The following SSTR3 variants were observed in gnomAD, a reference collection of about 807,000 sequenced individuals.
SSTR3 encodes somatostatin receptor type 3.
For synonymous variants in SSTR3, 281 were observed against 269.2 expected, an observed-to-expected ratio of 1.04 and a Z score of -0.43; for missense variants, 504 against 604.7, an observed-to-expected ratio of 0.83 and a Z score of 1.75.
chr22:37,218,494 G>A, the SSTR3 span, among the ~76,000 whole-genome samples: 3 of 152,304 alleles, frequency 2.0e-5, 1 homozygote, highest in East Asian at 5.8e-4. Context: ...GGTGGAGGTT[G>A]TCATCCCAGT....
At position 37,210,991 on chromosome 22, in the gene SSTR3, A is replaced by G. The variant is rs183931927; in HGVS notation, c.-37+834T>C. 33 of 985,320 alleles carry G rather than the reference A, an allele frequency of 3.3e-5. No individual in the cohort carries two copies. The African/African-American group carries it at 4.9e-4, about 15-fold the overall frequency. The allele number at this position is 985,320 out of a possible 1,614,324, so 61.0% of individuals were successfully genotyped here. On this transcript the variant is annotated intron_variant, in intron 1 of 1. Transcript: ENST00000610913. ...CATCATGAGATCCTCAAGAAGCCCA[A>G]GAGGGAGAGTTTTTAGAGAGGAAGA... is the stretch of plus-strand genomic sequence containing the variant.
In SSTR3 at chr22:37,204,633, G is replaced by C. The variant is rs1440810378; in HGVS notation, c.*1914C>G. 6.6e-6 allele frequency: 1 copy of C among 152,348 alleles called. No individual in the cohort carries two copies. Among genetic ancestry groups the C allele is most frequent in the Non-Finnish European group, 1.5e-5 (1 of 68,134 alleles). 9.4% of individuals were successfully genotyped at this position (152,348 alleles called of 1,614,324 possible). A position where few individuals can be genotyped will look rare whatever the true frequency, so the allele number is the denominator to read the frequency against. On this transcript the variant is annotated 3_prime_UTR_variant, in exon 2 of 2. Transcript: ENST00000610913. ...AGACACAGAGAGGCCACTTGATGGA[G>C]AGGGGGGTATAGGCCAAGCCTGGGG...
rs763363171 is a variant in SSTR3 at position 37,207,355 on chromosome 22, C to A, written c.449G>T (p.Arg150Leu). The A allele has an allele frequency of 1.9e-6, 3 of 1,607,830 alleles. No individual in the cohort carries two copies. The highest frequency in any genetic ancestry group is 1.7e-6 in the Non-Finnish European group (2 of 1,176,692). Residue 150 changes from arginine to leucine, a missense_variant, in exon 2 of 2, where the codon CGC becomes CTC. Arg to Leu is a moderately radical substitution (Grantham distance 102). Coordinates refer to ENST00000610913, the MANE Select transcript of SSTR3 (RefSeq NM_001051.5). ...CGGAGCTGTGCGCCAGCGGGCCGAG[C>A]GGGTGGGATGTACCACGGCCAGGTA... Reference protein sequence around the residue: ...DRYLAVVHPTRSARWRTAPVA... With the variant: ...DRYLAVVHPTLSARWRTAPVA...
chr22:37,214,883 G>A (rs1444133027), upstream of SSTR3, among the ~76,000 whole-genome samples: 1 of 152,024 alleles, frequency 6.6e-6, no homozygotes. Flanking sequence ...AAGCACCAGG[G>A]CCTCCATCTG....
At chr22:37,210,430 C>G in intron 1 of SSTR3, 1 of 821,720 alleles carries the variant, frequency 1.2e-6, no homozygotes, top group Non-Finnish European at 1.5e-6. Flanking sequence ...CCCCTGGCCC[C>G]CTCCTGGAAA....
intron 1 of SSTR3, among the ~76,000 whole-genome samples, chr22:37,209,540 G>C (rs956406018): frequency 6.6e-6 from 1 of 152,240 alleles, no homozygotes; most frequent in African/African-American, 2.4e-5. Context: ...TGGACAGTGG[G>C]CTAGAGGATC....
At chr22:37,217,081 G>A (rs562729268), upstream of SSTR3, among the ~76,000 whole-genome samples, 5 of 152,128 alleles carry the variant, frequency 3.3e-5, no homozygotes, top group Non-Finnish European at 5.9e-5. Flanking sequence ...GATTACAGGC[G>A]TGAGCCACCG....
At chr22:37,210,872 T>C in intron 1 of SSTR3, 1 of 985,368 alleles carries the variant, frequency 1.0e-6, no homozygotes, top group Non-Finnish European at 1.2e-6. Context: ...ACCTAGGACA[T>C]CACCCAGAAC....
the SSTR3 span, among the ~76,000 whole-genome samples, chr22:37,218,269 C>T: frequency 6.6e-6 from 1 of 152,152 alleles, no homozygotes; most frequent in Admixed American, 6.5e-5. Context: ...CAGAATGAGG[C>T]ATTAAGCCCG....
At position 37,206,292 on chromosome 22, in the gene SSTR3, G is replaced by A; in HGVS notation, c.*255C>T. On this transcript the variant is annotated 3_prime_UTR_variant, in exon 2 of 2. Coordinates refer to ENST00000610913, the MANE Select transcript of SSTR3 (RefSeq NM_001051.5). ...GCTCAGCCAGGTCAGCCCAGCAACA[G>A]TGCCCTCCAAACCTCTCATCTGACA... The A allele has an allele frequency of 2.0e-6, 1 of 504,082 alleles. No individual in the cohort carries two copies. The highest frequency in any genetic ancestry group is 3.4e-6 in the Non-Finnish European group (1 of 297,742). 31.2% of individuals were successfully genotyped at this position (504,082 alleles called of 1,614,324 possible).
rs900620293 is a variant in SSTR3 at position 37,212,031 on chromosome 22, G to C, written c.-243C>G. ...ACAGAGCCTCTCCCATCTGGTCTCC[G>C]GCCCTGACTTCCCAACCAGAGCCTG... On this transcript the variant is annotated 5_prime_UTR_variant, in exon 1 of 2. Coordinates refer to ENST00000610913, the MANE Select transcript of SSTR3 (RefSeq NM_001051.5). 2.0e-6 allele frequency: 2 copies of C among 985,592 alleles called. No individual in the cohort carries two copies. Among genetic ancestry groups the C allele is most frequent in the African/African-American group, 3.5e-5 (2 of 57,194 alleles). The allele number at this position is 985,592 out of a possible 1,614,324, so 61.1% of individuals were successfully genotyped here.
upstream of SSTR3, among the ~76,000 whole-genome samples, chr22:37,217,234 T>C (rs1926486150): frequency 6.6e-6 from 1 of 152,012 alleles, no homozygotes; most frequent in Non-Finnish European, 1.5e-5. Flanking sequence ...AGAATGACTC[T>C]GACTCAGCTG....
chr22:37,218,200 G>A, the SSTR3 span, among the ~76,000 whole-genome samples: 1 of 151,952 alleles, frequency 6.6e-6, no homozygotes. Flanking sequence ...TATCATTTGG[G>A]GCAATGCTAT....
rs1402803743 is a variant in SSTR3, at chr22:37,212,233, G to C, written c.-445C>G. 2 of 749,290 alleles carry C rather than the reference G, an allele frequency of 2.7e-6. No individual in the cohort carries two copies. The highest frequency in any genetic ancestry group is 3.8e-5 in the African/African-American group (2 of 52,370). 46.4% of individuals were successfully genotyped at this position (749,290 alleles called of 1,614,324 possible). On this transcript the variant is annotated 5_prime_UTR_variant, in exon 1 of 2. Coordinates refer to ENST00000610913, the MANE Select transcript of SSTR3 (RefSeq NM_001051.5). ...AAAGAGAGAGAGAGAGAAAGAGGGA[G>C]GGGGAGAGAGAGAGAGGGAGAGGGA...
intron 1 of SSTR3, chr22:37,210,675 G>A (rs879714284): frequency 5.3e-5 from 52 of 985,278 alleles, no homozygotes; most frequent in Non-Finnish European, 5.8e-5. Flanking sequence ...AGCTGGGGGC[G>A]GACTCCTTGG....
In SSTR3 at chr22:37,207,196, C is replaced by T. The variant is rs1376657158; in HGVS notation, c.608G>A (p.Arg203Gln). The T allele has an allele frequency of 6.2e-6, 10 of 1,610,856 alleles. No homozygotes were observed. Among genetic ancestry groups the T allele is most frequent in the African/African-American group, 5.3e-5 (4 of 74,884 alleles). ...GGCCGTGTAGATGATGAAGCCGGCT[C>T]GCCAGGCCGCCGCCGGCTCGGGCCA... is the stretch of plus-strand genomic sequence containing the variant. Reference protein sequence around the residue: ...MQWPEPAAAWRAGFIIYTAAL... With the variant: ...MQWPEPAAAWQAGFIIYTAAL... Residue 203 changes from arginine (R) to glutamine (Q), a missense_variant, in exon 2 of 2, where the codon CGA (arginine) becomes CAA (glutamine). Physicochemically the swap from Arg to Gln is conservative, Grantham distance 43. Coordinates refer to ENST00000610913, the MANE Select transcript of SSTR3 (RefSeq NM_001051.5).
chr22:37,209,041 C>T (rs1251140396), intron 1 of SSTR3, among the ~76,000 whole-genome samples: 2 of 152,194 alleles, frequency 1.3e-5, no homozygotes, highest in East Asian at 1.9e-4. Flanking sequence ...ATCCCCCAAT[C>T]CCCTGGCTCC....
chr22:37,210,667 C>T (rs1926136170), intron 1 of SSTR3: 27 of 985,358 alleles, frequency 2.7e-5, no homozygotes, highest in Non-Finnish European at 3.3e-5. Context: ...TGCCTGAAAG[C>T]TGGGGGCGGA....
At chr22:37,208,197 G>A (rs1041691377) in intron 1 of SSTR3, among the ~76,000 whole-genome samples, 8 of 152,156 alleles carry the variant, frequency 5.3e-5, no homozygotes, top group African/African-American at 1.9e-4. Context: ...CCTGTGAAGT[G>A]GGTTGCATTG....
Sources: allele counts gnomAD v4.1 joint callset (sites outside exome capture counted in the v4.1 genomes callset), GRCh38; gene constraint gnomAD v4.1.1; transcripts MANE v1.5; gene names NCBI Gene and HGNC (gene_info 2026-07-23, HGNC 2026-07-21).